RAD54L2: variants seen among roughly 807,000 people sequenced by gnomAD.
RAD54L2 encodes the protein RAD54 like 2, also known as helicase ARIP4.
In RAD54L2, 27 loss-of-function variants were observed where a neutral mutation model predicts 138.4. That is an observed-to-expected ratio of 0.20 (90% CI 0.14 to 0.27). The LOEUF (loss-of-function observed/expected upper bound fraction) is 0.27, where lower values mean the gene tolerates loss of function less well. Ranked by LOEUF, RAD54L2 falls within the 10% of genes least tolerant of loss-of-function variation. RAD54L2 has a pLI of 1.00. For synonymous variants in RAD54L2, 644 were observed against 723.2 expected (o/e 0.89, Z 1.76); for missense variants, 1,396 against 1,890.2 (o/e 0.74, Z 4.85).
intron 19 of RAD54L2, among the ~76,000 whole-genome samples, chr3:51,654,538 C>G (rs1359683120): frequency 1.3e-5 from 2 of 152,178 alleles, no homozygotes; most frequent in African/African-American, 2.4e-5. Context: ...GAAAGTCACT[C>G]TCTTTCAAAA....
In RAD54L2 at chr3:51,590,469, G is replaced by A. The variant is rs1189682004; in HGVS notation, c.49G>A (p.Val17Met). The A allele has an allele frequency of 5.8e-6, 9 of 1,551,860 alleles. No homozygotes were observed. The highest frequency in any genetic ancestry group is 2.4e-5 in the East Asian group (1 of 40,940). Residue 17 changes from valine (V) to methionine (M), a missense_variant, in exon 3 of 23, where the codon GTG becomes ATG. Physicochemically the swap from Val to Met is conservative, Grantham distance 21. Around this residue, in one of 7 missense-constraint regions of RAD54L2, gnomAD observed 256 missense variants for 344.6 expected, o/e 0.74. Transcript: ENST00000684192. ...SGSDPDLDPD[V>M]ELEDAEEEEE... Reference sequence around the variant, plus strand: ...GAGCGATCCAGACCTGGACCCGGACGTGGAGCTGGAGGATGCGGAAGAGGA... The same window carrying A: ...GAGCGATCCAGACCTGGACCCGGACATGGAGCTGGAGGATGCGGAAGAGGA...
chr3:51,630,559 T>G, intron 6 of RAD54L2, 146 bp from the exon 7 acceptor site: 1 of 980,984 alleles, frequency 1.0e-6, no homozygotes, highest in East Asian at 2.6e-5. Context: ...AACTTGAAGC[T>G]GAAAGAGAGA....
intron 2 of RAD54L2, among the ~76,000 whole-genome samples, chr3:51,559,057 TAG>T (rs1357084487): frequency 1.3e-5 from 2 of 151,048 alleles, no homozygotes; most frequent in Non-Finnish European, 3.0e-5. Context: ...GTATTTTTAG[TAG>T]AGAGGGGGTT....
At chr3:51,657,728 G>T in intron 21 of RAD54L2, 59 bp downstream of exon 21, 3 of 1,217,864 alleles carry the variant, frequency 2.5e-6, no homozygotes, top group East Asian at 5.1e-5. Context: ...GGGCTGGGAA[G>T]AAGAATAAAT....
chr3:51,626,594 G>A (rs1222588209), intron 3 of RAD54L2, among the ~76,000 whole-genome samples: 6 of 151,202 alleles, frequency 4.0e-5, no homozygotes, highest in African/African-American at 1.2e-4. Flanking sequence ...ACAGGCGCCC[G>A]CCACCATGCC....
chr3:51,581,167 G>A (rs1699601043), intron 2 of RAD54L2, among the ~76,000 whole-genome samples: 1 of 152,134 alleles, frequency 6.6e-6, no homozygotes, highest in Admixed American at 6.6e-5. Context: ...GTGCAGTCTG[G>A]ACCCACTGCA....
rs963507081 is a variant in RAD54L2, at chr3:51,597,147, A to G, written c.139+6588A>G. On this transcript the variant is annotated intron_variant, in intron 3 of 22. Transcript: ENST00000684192. Reference sequence around the variant, plus strand: ...GCTATTGCACTCCAGCCTGGGGGACAAGAGCAAGACTTCATTTCAAAAAAA... The same window carrying G: ...GCTATTGCACTCCAGCCTGGGGGACGAGAGCAAGACTTCATTTCAAAAAAA... Among the ~76,000 whole-genome samples the G allele has an allele frequency of 2.6e-4, 39 of 149,582 alleles. 1 individual carries two copies. The highest frequency in any genetic ancestry group is 8.7e-4 in the African/African-American group (35 of 40,390).
chr3:51,590,445 A>G lies in RAD54L2; in HGVS notation c.25A>G (p.Ser9Gly). Residue 9 changes from serine (S) to glycine (G), a missense_variant, in exon 3 of 23, where the codon AGC becomes GGC. Coordinates refer to ENST00000684192, the MANE Select transcript of RAD54L2 (RefSeq NM_015106.4). ...CATGTCAGACGAATCTGCCTCAGGG[A>G]GCGATCCAGACCTGGACCCGGACGT... MSDESASGSDPDLDPDVEL... is the reference protein window; with the variant it reads MSDESASGGDPDLDPDVEL... 1 of 1,548,040 alleles carries G rather than the reference A, an allele frequency of 6.5e-7. No individual in the cohort carries two copies. The highest frequency in any genetic ancestry group is 8.7e-7 in the Non-Finnish European group (1 of 1,144,570).
intron 2 of RAD54L2, among the ~76,000 whole-genome samples, chr3:51,550,680 G>A (rs1698812216): frequency 6.6e-6 from 1 of 152,162 alleles, no homozygotes; most frequent in Non-Finnish European, 1.5e-5. Flanking sequence ...GGTAGAGGAT[G>A]CAGTGAGCTG....
At chr3:51,571,557 G>A (rs976631248) in intron 2 of RAD54L2, among the ~76,000 whole-genome samples, 4 of 151,850 alleles carry the variant, frequency 2.6e-5, no homozygotes, top group Admixed American at 2.6e-4. Context: ...TAGTAGAGAT[G>A]GGATTTCACT....
At chr3:51,654,261 C>T (rs1423200843) in intron 19 of RAD54L2, among the ~76,000 whole-genome samples, 1 of 152,186 alleles carries the variant, frequency 6.6e-6, no homozygotes, top group East Asian at 1.9e-4. Context: ...GTTGGCCAGG[C>T]TGGTCTTGAA....
intron 14 of RAD54L2, 40 bp downstream of exon 14, chr3:51,640,039 G>A: frequency 6.8e-7 from 1 of 1,471,310 alleles, no homozygotes; most frequent in South Asian, 1.2e-5. Flanking sequence ...TGTGTCTATG[G>A]TAAAGAATGA....
intron 2 of RAD54L2, among the ~76,000 whole-genome samples, chr3:51,587,635 C>T (rs1285932487): frequency 1.3e-5 from 2 of 152,160 alleles, no homozygotes; most frequent in African/African-American, 2.4e-5. Flanking sequence ...TCTGCACACA[C>T]ACACTCGTAA....
At position 51,552,835 on chromosome 3, in the gene RAD54L2, C is replaced by T. The variant is rs1047566795; in HGVS notation, c.-55+11185C>T. Among the ~76,000 whole-genome samples the T allele has an allele frequency of 5.3e-5, 8 of 152,232 alleles. No homozygotes were observed. The East Asian group carries it at 1.5e-3, about 29-fold the overall frequency. On this transcript the variant is annotated intron_variant, in intron 2 of 22. Coordinates refer to ENST00000684192, the MANE Select transcript of RAD54L2 (RefSeq NM_015106.4). ...TTGGCCTCCCCAAGTGTTGGGATTA[C>T]AGGTGTGAGCTACCATGCGTGGCTG... is the stretch of plus-strand genomic sequence containing the variant.
rs912166982 is a variant in RAD54L2 at position 51,638,908 on chromosome 3, G to A, written c.1861-511G>A. On this transcript the variant is annotated intron_variant, in intron 12 of 22. Coordinates refer to ENST00000684192, the MANE Select transcript of RAD54L2 (RefSeq NM_015106.4). The surrounding 1 kb of genome is among the most constrained non-coding windows in gnomAD (Gnocchi z 4.3). ...AGCCACAGTCCTGGGTCAAGGCCAG[G>A]AAACTAAGGCAAGCGTGGTCTGTGA... is the stretch of plus-strand genomic sequence containing the variant. 3.1e-5 allele frequency: 5 copies of A among 162,568 alleles called. No homozygotes were observed. The highest frequency in any genetic ancestry group is 1.2e-4 in the African/African-American group (5 of 41,664). The allele number at this position is 162,568 out of a possible 1,614,324, so 10.1% of individuals were successfully genotyped here. A position where few individuals can be genotyped will look rare whatever the true frequency, so the allele number is the denominator to read the frequency against.
intron 8 of RAD54L2, 60 bp from the exon 9 acceptor site, chr3:51,633,839 TTGA>T: frequency 6.2e-7 from 1 of 1,604,116 alleles, no homozygotes; most frequent in African/African-American, 1.3e-5. Context: ...ACCAAAAAGC[TTGA>T]TGAGCTCAGC....
chr3:51,656,672 G>A (rs772417403), intron 20 of RAD54L2, among the ~76,000 whole-genome samples: 2 of 152,090 alleles, frequency 1.3e-5, no homozygotes, highest in Non-Finnish European at 2.9e-5. Context: ...CTGTGATTCA[G>A]TGTGATTAGG....
At chr3:51,579,123 C>T (rs1282803214) in intron 2 of RAD54L2, among the ~76,000 whole-genome samples, 1 of 151,816 alleles carries the variant, frequency 6.6e-6, no homozygotes, top group Non-Finnish European at 1.5e-5. Context: ...GTCTCTGATG[C>T]ACACCTGCTT....
In RAD54L2 at chr3:51,660,083, C is replaced by G. The variant is rs1559658559; in HGVS notation, c.3374C>G (p.Pro1125Arg). The G allele has an allele frequency of 6.2e-7, 1 of 1,600,818 alleles. No individual in the cohort carries two copies. The highest frequency in any genetic ancestry group is 8.6e-7 in the Non-Finnish European group (1 of 1,169,028). Reference sequence around the variant, plus strand: ...TTTGCTGTCCGGGCAACTGGCAAACCAAAGGTTCCTGAAGATGGTCGGATG... The same window carrying G: ...TTTGCTGTCCGGGCAACTGGCAAACGAAAGGTTCCTGAAGATGGTCGGATG... ...RIFAVRATGK[P>R]KVPEDGRMAA... Residue 1125 changes from proline (P) to arginine (R), a missense_variant, in exon 22 of 23, where the codon CCA (proline) becomes CGA (arginine). Coordinates refer to ENST00000684192, the MANE Select transcript of RAD54L2 (RefSeq NM_015106.4).
Sources: gnomAD v4.1 joint callset for allele counts (sites outside exome capture counted in the v4.1 genomes callset) on GRCh38, gnomAD v4.1.1 for gene constraint, gnomAD v4.1.1 regional missense constraint, Gnocchi (gnomAD v3.1) non-coding constraint, MANE v1.5 for transcripts, NCBI Gene and HGNC (gene_info 2026-07-23, HGNC 2026-07-21) for gene names.